The following DGKB variants were observed in gnomAD, a reference collection of about 807,000 sequenced individuals.
DGKB encodes the protein 90 kDa diacylglycerol kinase.
A neutral mutation model predicts 114.3 loss-of-function variants in DGKB; 67 were observed. The observed-to-expected ratio is 0.59, with a 90% CI of 0.48 to 0.72. DGKB has a LOEUF of 0.72. DGKB is among the 30% of genes least tolerant of loss of function. The pLI, the probability that DGKB is intolerant of heterozygous loss-of-function variation, is 0.00. For missense variants in DGKB, 907 were observed against 975.2 expected, an observed-to-expected ratio of 0.93 and a Z score of 0.93; for synonymous variants, 398 against 323.1, an observed-to-expected ratio of 1.23 and a Z score of -2.49.
At position 14,753,808 on chromosome 7, in the gene DGKB, T is replaced by C. The variant is rs555352245; in HGVS notation, c.168+120A>G. 3 of 740,774 alleles carry C rather than the reference T, an allele frequency of 4.0e-6. No homozygotes were observed. The Admixed American group carries it at 8.1e-5, about 20-fold the overall frequency. The allele number at this position is 740,774 out of a possible 1,614,324, so 45.9% of individuals were successfully genotyped here. A position where few individuals can be genotyped will look rare whatever the true frequency, so the allele number is the denominator to read the frequency against. On this transcript the variant is annotated intron_variant, in intron 4 of 25. Transcript: ENST00000402815. ...CCTATGAGTATTATAGGCAACCTTG[T>C]ATACTATAGAAATCATATTGGTACA...
In DGKB at chr7:14,623,758, GA is replaced by G. The variant is rs1464650985; in HGVS notation, c.1168-2265del. ...CTGGCAAAAATATTGATTTTTAAAAGAAAGTTCCTTCTTTTTAAGTTTGCAA... is the reference window on the plus strand; with the variant it reads ...CTGGCAAAAATATTGATTTTTAAAAGAAGTTCCTTCTTTTTAAGTTTGCAA... On this transcript the variant is annotated intron_variant, in intron 14 of 25. Transcript: ENST00000402815. 2.6e-5 allele frequency among the ~76,000 whole-genome samples: 4 copies of G among 152,094 alleles called. No individual in the cohort carries two copies. The East Asian group carries it at 7.7e-4, about 29-fold the overall frequency.
chr7:14,570,169 A>T (rs898644069), intron 20 of DGKB, among the ~76,000 whole-genome samples: 2 of 151,232 alleles, frequency 1.3e-5, no homozygotes, highest in Non-Finnish European at 3.0e-5. Context: ...TATGTTGTTT[A>T]CTTATAATTC....
intron 23 of DGKB, among the ~76,000 whole-genome samples, chr7:14,304,087 A>ACACACACACACACACT (rs140836395): frequency 2.4e-4 from 26 of 110,064 alleles, no homozygotes; most frequent in African/African-American, 7.6e-4. Flanking sequence ...ACACACACAC[A>ACACACACACACACACT]CTCTCTCTCT....
intron 21 of DGKB, among the ~76,000 whole-genome samples, chr7:14,401,473 G>C (rs1206614888): frequency 6.6e-6 from 1 of 151,850 alleles, no homozygotes; most frequent in Admixed American, 6.6e-5. Context: ...AAAAATAACT[G>C]TGAGGCTCTA....
intron 9 of DGKB, among the ~76,000 whole-genome samples, chr7:14,686,870 T>C (rs573850274): frequency 6.6e-6 from 1 of 152,162 alleles, no homozygotes; most frequent in Non-Finnish European, 1.5e-5. Context: ...TTTTTTCTTC[T>C]TAAGACTATC....
chr7:14,685,101 A>C (rs931962870), intron 10 of DGKB, 144 bp downstream of exon 10: 3 of 449,150 alleles, frequency 6.7e-6, no homozygotes, highest in Non-Finnish European at 1.2e-5. Flanking sequence ...AATATTCAAA[A>C]ACACACTACA....
chr7:14,965,440 T>A (rs1270204143), intron 1 of DGKB, among the ~76,000 whole-genome samples: 1 of 152,122 alleles, frequency 6.6e-6, no homozygotes, highest in Non-Finnish European at 1.5e-5. Context: ...ATGGAATTTA[T>A]TAAGAAGTTC....
chr7:14,910,308 AAGAAAGAAC>A (rs1783934928), intron 1 of DGKB, among the ~76,000 whole-genome samples: 1 of 129,318 alleles, frequency 7.7e-6, no homozygotes, highest in African/African-American at 3.0e-5. Context: ...GAAAGAAAGA[AAGAAAGAAC>A]CTTATATATT....
intron 1 of DGKB, among the ~76,000 whole-genome samples, chr7:14,954,896 T>C (rs969947910): frequency 7.2e-5 from 11 of 152,040 alleles, no homozygotes; most frequent in African/African-American, 2.7e-4. Context: ...TTTTTATGTA[T>C]ATATTTTTTC....
chr7:14,670,347 G>C (rs186613916), intron 13 of DGKB, among the ~76,000 whole-genome samples: 2 of 151,316 alleles, frequency 1.3e-5, no homozygotes, highest in East Asian at 3.9e-4. Flanking sequence ...CTGTCACTCA[G>C]TCTGGAGTGC....
At chr7:14,250,108 C>G (rs1360884967) in intron 23 of DGKB, among the ~76,000 whole-genome samples, 1 of 147,946 alleles carries the variant, frequency 6.8e-6, no homozygotes, top group African/African-American at 2.5e-5. Context: ...GTGTGGGCTA[C>G]CACACTTGGC....
chr7:14,801,305 CTTTG>C, intron 2 of DGKB, among the ~76,000 whole-genome samples: 1 of 152,024 alleles, frequency 6.6e-6, no homozygotes, highest in Non-Finnish European at 1.5e-5. Context: ...TTGTTACTGT[CTTTG>C]TTTGGAGATT....
chr7:14,217,900 G>A (rs1000538987), intron 23 of DGKB, among the ~76,000 whole-genome samples: 3 of 151,928 alleles, frequency 2.0e-5, no homozygotes, highest in Non-Finnish European at 4.4e-5. Flanking sequence ...CCTCTATTGC[G>A]TCTGAATCCA....
At chr7:14,781,373 C>T (rs1483915343) in intron 2 of DGKB, among the ~76,000 whole-genome samples, 1 of 152,176 alleles carries the variant, frequency 6.6e-6, no homozygotes, top group African/African-American at 2.4e-5. Flanking sequence ...TTTACACCAG[C>T]TGAATGCAAA....
intron 2 of DGKB, among the ~76,000 whole-genome samples, chr7:14,804,304 CAT>C (rs1256203908): frequency 2.0e-5 from 3 of 151,822 alleles, no homozygotes; most frequent in Non-Finnish European, 2.9e-5. Flanking sequence ...ACATAGGTAA[CAT>C]GTTTTTTTTC....
At chr7:14,188,771 C>A (rs1308975474) in intron 23 of DGKB, among the ~76,000 whole-genome samples, 1 of 148,530 alleles carries the variant, frequency 6.7e-6, no homozygotes, top group South Asian at 2.2e-4. Context: ...TGAAATAATT[C>A]TAAAATCTAC....
chr7:14,224,952 G>C (rs901584163), intron 23 of DGKB, among the ~76,000 whole-genome samples: 5 of 151,998 alleles, frequency 3.3e-5, no homozygotes, highest in East Asian at 3.9e-4. Flanking sequence ...GATAGTTCCT[G>C]AGGTCGGTGT....
At chr7:14,539,165 A>G (rs916236487) in intron 20 of DGKB, among the ~76,000 whole-genome samples, 13 of 152,176 alleles carry the variant, frequency 8.5e-5, no homozygotes, top group African/African-American at 2.7e-4. Context: ...AAACAAAAAC[A>G]AAACAAAGGG....
intron 1 of DGKB, among the ~76,000 whole-genome samples, chr7:14,928,743 T>G (rs1227587205): frequency 6.7e-6 from 1 of 149,856 alleles, no homozygotes; most frequent in Non-Finnish European, 1.5e-5. Flanking sequence ...TGCATGGGGG[T>G]GAAGTTAGGG....
Sources: gnomAD v4.1 joint callset for allele counts (sites outside exome capture counted in the v4.1 genomes callset) on GRCh38, gnomAD v4.1.1 for gene constraint, MANE v1.5 for transcripts, NCBI Gene and HGNC (gene_info 2026-07-23, HGNC 2026-07-21) for gene names.